The following AQR variants were observed in gnomAD, a reference collection of about 807,000 sequenced individuals.
The protein encoded by AQR is RNA helicase aquarius.
Under a neutral mutation model 180.5 loss-of-function variants are expected in AQR, and 61 were observed. That is an observed-to-expected ratio of 0.34 (90% CI 0.28 to 0.42). The LOEUF (loss-of-function observed/expected upper bound fraction) is 0.42, where lower values mean the gene tolerates loss of function less well. Ranked by LOEUF, AQR falls within the 10% of genes least tolerant of loss-of-function variation. The pLI, the probability that AQR is intolerant of heterozygous loss-of-function variation, is 1.00. For missense variants in AQR, 1,281 were observed against 1,798.3 expected (o/e 0.71, Z 5.20); for synonymous variants, 551 against 588.8 (o/e 0.94, Z 0.93).
rs1443870193 is a variant in AQR at position 34,934,577 on chromosome 15, A to C, written c.777T>G (p.Asp259Glu). 1 of 1,593,278 alleles carries C rather than the reference A, an allele frequency of 6.3e-7. No individual in the cohort carries two copies. Among genetic ancestry groups the C allele is most frequent in the Admixed American group, 1.8e-5 (1 of 55,276 alleles). Residue 259 changes from aspartate (D) to glutamate (E), a missense_variant, in exon 10 of 35, where the codon GAT (aspartate) becomes GAG (glutamate). This residue lies in a region of AQR where 404 missense variants were observed against 490.9 expected (regional missense o/e 0.82). Coordinates refer to ENST00000156471, the MANE Select transcript of AQR (RefSeq NM_014691.3). The part of the protein sequence containing the change: ...YCERFIELMI[D>E]LEALLPTRRW... Reference sequence around the variant, plus strand: ...GTCACGGTAGATTTCTTACCTCTAGATCAATCATAAGTTCAATGAATCTTT... The same window carrying C: ...GTCACGGTAGATTTCTTACCTCTAGCTCAATCATAAGTTCAATGAATCTTT...
chr15:34,895,158 T>C (rs1389909367), intron 22 of AQR, among the ~76,000 whole-genome samples: 76 of 2,592 alleles, frequency 0.029, no homozygotes, highest in African/African-American at 0.059. Flanking sequence ...TAAGACTGTC[T>C]CAAAAAAAAA....
At chr15:34,960,026 G>A (rs943139897) in intron 3 of AQR, among the ~76,000 whole-genome samples, 5 of 152,166 alleles carry the variant, frequency 3.3e-5, no homozygotes, top group African/African-American at 7.2e-5. Flanking sequence ...AAATACCACT[G>A]TGCTTACAAC....
chr15:34,965,073 A>G lies in AQR; in HGVS notation c.76-783T>C, dbSNP rs140012566. On this transcript the variant is annotated intron_variant, in intron 1 of 34. Coordinates refer to ENST00000156471, the MANE Select transcript of AQR (RefSeq NM_014691.3). ...GGATGAATGGATGGACAAATGAAGC[A>G]AAATCTGAAATGTTACTTCTGTGAG... Among the ~76,000 whole-genome samples, 422 of 152,358 alleles carry G rather than the reference A, an allele frequency of 2.8e-3. 1 individual carries two copies. The highest frequency in any genetic ancestry group is 9.6e-3 in the African/African-American group (400 of 41,586).
intron 3 of AQR, among the ~76,000 whole-genome samples, chr15:34,959,787 A>T (rs1193940924): frequency 6.6e-6 from 1 of 152,198 alleles, no homozygotes; most frequent in African/African-American, 2.4e-5. Flanking sequence ...AATCTATGAC[A>T]TCTTGAAGCT....
chr15:34,920,799 A>G (rs1458194785), intron 13 of AQR, among the ~76,000 whole-genome samples: 3 of 152,146 alleles, frequency 2.0e-5, no homozygotes, highest in African/African-American at 7.2e-5. Flanking sequence ...TCTACTAAAA[A>G]TACAAAAAAT....
chr15:34,964,385 GC>G (rs772496284), intron 1 of AQR, 95 bp from the exon 2 acceptor site: 1 of 1,002,562 alleles, frequency 1.0e-6, no homozygotes, highest in South Asian at 1.4e-5. Flanking sequence ...TCTTAACAAG[GC>G]CCTACTCGGC....
rs768921138 is a variant in AQR, at chr15:34,874,706, G to A, written c.3396C>T (p.Asp1132=). The change falls in exon 29 of 35, where the codon GAC becomes GAT. Residue 1132 remains aspartate (D), a synonymous_variant. Coordinates refer to ENST00000156471, the MANE Select transcript of AQR (RefSeq NM_014691.3). ...RFVRVGVPTV[D]LDAQGRARAS... ...CTCTGGCTCTCCCTTGAGCATCAAG[G>A]TCAACAGTCGGAACTCCAACGCGAA... 1.3e-5 allele frequency: 21 copies of A among 1,613,476 alleles called. No individual in the cohort carries two copies. Among genetic ancestry groups the A allele is most frequent in the Admixed American group, 3.3e-5 (2 of 59,930 alleles).
chr15:34,858,598 T>C (rs1892625083), intron 34 of AQR, among the ~76,000 whole-genome samples: 1 of 152,100 alleles, frequency 6.6e-6, no homozygotes. Flanking sequence ...GATTGTAAAA[T>C]GTATACAGAA....
chr15:34,917,828 A>AC (rs1489762067), intron 15 of AQR, among the ~76,000 whole-genome samples: 1 of 150,866 alleles, frequency 6.6e-6, no homozygotes, highest in African/African-American at 2.4e-5. Flanking sequence ...ACTAAAAAAA[A>AC]AAAAAAAAAG....
At chr15:34,877,520 G>A (rs2140464555) in intron 27 of AQR, among the ~76,000 whole-genome samples, 1 of 152,166 alleles carries the variant, frequency 6.6e-6, no homozygotes, top group East Asian at 1.9e-4. Flanking sequence ...ACAGAAGGAG[G>A]AATTCAAACT....
intron 13 of AQR, among the ~76,000 whole-genome samples, chr15:34,926,556 C>T (rs181964096): frequency 2.0e-5 from 3 of 152,314 alleles, no homozygotes; most frequent in Admixed American, 1.3e-4. Context: ...GTTGTTTACA[C>T]ACTTAACAGA....
intron 7 of AQR, among the ~76,000 whole-genome samples, chr15:34,941,305 TCACTAAG>T (rs2140497087): frequency 6.6e-6 from 1 of 152,338 alleles, no homozygotes; most frequent in East Asian, 1.9e-4. Flanking sequence ...CTTAGCATAA[TCACTAAG>T]GTTTGAAAAA....
intron 5 of AQR, among the ~76,000 whole-genome samples, chr15:34,946,257 A>G (rs1167542933): frequency 2.6e-5 from 4 of 152,242 alleles, no homozygotes; most frequent in Admixed American, 2.6e-4. Context: ...GGATAACAAG[A>G]GCTAAATTCA....
intron 31 of AQR, chr15:34,870,004 A>G (rs1275379346): frequency 6.6e-6 from 1 of 152,186 alleles, no homozygotes; most frequent in Admixed American, 6.5e-5. Context: ...ATCACTGAAT[A>G]AGTAAGTTTC....
At chr15:34,946,998 G>C (rs573817610) in intron 5 of AQR, among the ~76,000 whole-genome samples, 1 of 152,182 alleles carries the variant, frequency 6.6e-6, no homozygotes, top group East Asian at 1.9e-4. Context: ...CCACCACCCC[G>C]TCTGGGAGGT....
chr15:34,883,107 C>T (rs767285766), intron 26 of AQR, among the ~76,000 whole-genome samples: 2 of 152,114 alleles, frequency 1.3e-5, no homozygotes, highest in Non-Finnish European at 2.9e-5. Flanking sequence ...ATTATCAGAG[C>T]CCAGGGACTG....
intron 27 of AQR, among the ~76,000 whole-genome samples, chr15:34,879,982 C>T (rs182190885): frequency 3.9e-5 from 6 of 152,230 alleles, no homozygotes; most frequent in East Asian, 3.9e-4. Flanking sequence ...TTTATCCCTT[C>T]GTATCCCTAA....
chr15:34,922,502 A>G (rs1241113631), intron 13 of AQR, among the ~76,000 whole-genome samples: 2 of 152,038 alleles, frequency 1.3e-5, no homozygotes, highest in Admixed American at 6.6e-5. Context: ...GAGAATTCCA[A>G]TTGCTCCACA....
chr15:34,954,028 C>T (rs898532070), intron 3 of AQR, among the ~76,000 whole-genome samples: 1 of 152,150 alleles, frequency 6.6e-6, no homozygotes, highest in Non-Finnish European at 1.5e-5. Context: ...AATTCTTGTG[C>T]CTCAGACTCT....
Sources: allele counts gnomAD v4.1 joint callset (sites outside exome capture counted in the v4.1 genomes callset), GRCh38; gene constraint gnomAD v4.1.1; regional missense constraint gnomAD v4.1.1; transcripts MANE v1.5; gene names NCBI Gene and HGNC (gene_info 2026-07-23, HGNC 2026-07-21).